The following SGCD variants were observed in gnomAD, a reference collection of about 807,000 sequenced individuals.
SGCD encodes delta-sarcoglycan.
SGCD carries 18 observed loss-of-function variants against 36.6 expected under a neutral mutation model. The observed-to-expected ratio is 0.49, with a 90% CI of 0.34 to 0.73. The LOEUF is 0.73. SGCD is among the 30% of genes least tolerant of loss of function. The probability of loss-of-function intolerance (pLI) is 0.01; values close to 1 mark genes in which losing one functional copy is unlikely to be tolerated. For synonymous variants in SGCD, 133 were observed against 130.6 expected, an observed-to-expected ratio of 1.02 and a Z score of -0.12; for missense variants, 387 against 346.7, an observed-to-expected ratio of 1.12 and a Z score of -0.92.
At chr5:156,039,505 T>C (rs1759584527) in intron 1 of SGCD, among the ~76,000 whole-genome samples, 1 of 152,128 alleles carries the variant, frequency 6.6e-6, no homozygotes, top group Non-Finnish European at 1.5e-5. Context: ...TATGGCTGGA[T>C]TGCTAGGGTC....
chr5:156,442,290 C>T (rs1753527990), intron 3 of SGCD, among the ~76,000 whole-genome samples: 1 of 152,188 alleles, frequency 6.6e-6, no homozygotes, highest in South Asian at 2.1e-4. Context: ...GCTAAAGACA[C>T]TCCCTACCCC....
At chr5:156,600,843 T>C (rs1478656074) in intron 6 of SGCD, among the ~76,000 whole-genome samples, 1 of 152,210 alleles carries the variant, frequency 6.6e-6, no homozygotes, top group Non-Finnish European at 1.5e-5. Context: ...TGTTATCTTT[T>C]GTCTATTTGA....
At chr5:155,939,082 C>T (rs1757272490) in intron 1 of SGCD, among the ~76,000 whole-genome samples, 1 of 152,028 alleles carries the variant, frequency 6.6e-6, no homozygotes, top group South Asian at 2.1e-4. Context: ...ACATGTTGGT[C>T]AAAAGATAAA....
intron 3 of SGCD, among the ~76,000 whole-genome samples, chr5:156,236,174 G>C (rs1765158874): frequency 1.3e-5 from 2 of 152,044 alleles, no homozygotes; most frequent in Middle Eastern, 3.2e-3. Context: ...ATCAAAACAT[G>C]TTACGGTTAA....
At chr5:156,378,811 GAGTT>G (rs1205350769) in intron 3 of SGCD, among the ~76,000 whole-genome samples, 1 of 152,094 alleles carries the variant, frequency 6.6e-6, no homozygotes, top group Non-Finnish European at 1.5e-5. Flanking sequence ...AATAAAATAA[GAGTT>G]AGTATGTGGA....
chr5:156,497,170 ACT>A (rs10559912), intron 3 of SGCD, among the ~76,000 whole-genome samples: 2,466 of 145,216 alleles, frequency 0.017, 42 homozygotes, highest in African/African-American at 0.047. Context: ...ACTCTCCTGC[ACT>A]CTCTCTCTCT....
chr5:156,644,026 T>G (rs1317155989), intron 6 of SGCD, among the ~76,000 whole-genome samples: 3 of 152,126 alleles, frequency 2.0e-5, no homozygotes, highest in African/African-American at 7.2e-5. Context: ...ATCATGTTCA[T>G]CAGGAAAAAA....
chr5:155,891,556 C>CTTTT (rs1561640647), intron 1 of SGCD, among the ~76,000 whole-genome samples: 4 of 16,554 alleles, frequency 2.4e-4, no homozygotes, highest in African/African-American at 2.7e-4. Flanking sequence ...AAAATAAATA[C>CTTTT]TCTTTTTTTT....
intron 1 of SGCD, among the ~76,000 whole-genome samples, chr5:155,913,360 G>A (rs1262486769): frequency 6.6e-6 from 1 of 152,110 alleles, no homozygotes; most frequent in Non-Finnish European, 1.5e-5. Flanking sequence ...TGACTCCAGA[G>A]AGCACAATAT....
chr5:156,479,769 T>A (rs1293303178), intron 3 of SGCD, among the ~76,000 whole-genome samples: 1 of 152,196 alleles, frequency 6.6e-6, no homozygotes, highest in African/African-American at 2.4e-5. Flanking sequence ...CTTTCTTTAA[T>A]TTTGTTCTTA....
chr5:156,732,574 T>G (rs894640694), intron 7 of SGCD, among the ~76,000 whole-genome samples: 2 of 152,140 alleles, frequency 1.3e-5, no homozygotes, highest in African/African-American at 4.8e-5. Context: ...TTTTTCTATC[T>G]TTGCCAGGTT....
chr5:156,439,806 G>A (rs1423230692), intron 3 of SGCD, among the ~76,000 whole-genome samples: 1 of 152,030 alleles, frequency 6.6e-6, no homozygotes, highest in Non-Finnish European at 1.5e-5. Context: ...AATTAGCCAG[G>A]AATCCTTTAT....
intron 1 of SGCD, among the ~76,000 whole-genome samples, chr5:155,913,383 TAGA>T (rs771061668): frequency 3.3e-5 from 5 of 152,118 alleles, no homozygotes; most frequent in Non-Finnish European, 7.4e-5. Context: ...AAGAGGAAAT[TAGA>T]AGAACACGAT....
intron 1 of SGCD, among the ~76,000 whole-genome samples, chr5:156,038,915 G>T (rs1372717799): frequency 6.6e-6 from 1 of 152,056 alleles, no homozygotes; most frequent in African/African-American, 2.4e-5. Context: ...AAAATCCTTA[G>T]CAGGGCCTAC....
chr5:156,163,327 AC>A (rs751707522), intron 3 of SGCD, among the ~76,000 whole-genome samples: 14 of 151,494 alleles, frequency 9.2e-5, no homozygotes, highest in Non-Finnish European at 1.8e-4. Context: ...GTTTTGAGGA[AC>A]CCTGTCAGAG....
chr5:155,922,822 A>G (rs1756915409), intron 1 of SGCD, among the ~76,000 whole-genome samples: 1 of 152,166 alleles, frequency 6.6e-6, no homozygotes, highest in African/African-American at 2.4e-5. Flanking sequence ...GAAAGAGGGC[A>G]TTTGAGGTTG....
chr5:155,957,534 A>G (rs1205593610), intron 1 of SGCD, among the ~76,000 whole-genome samples: 2 of 152,022 alleles, frequency 1.3e-5, no homozygotes, highest in Non-Finnish European at 1.5e-5. Flanking sequence ...CTAGGGGAGA[A>G]TCTATATCCT....
intron 1 of SGCD, among the ~76,000 whole-genome samples, chr5:156,097,772 G>T (rs1215240485): frequency 6.6e-6 from 1 of 152,148 alleles, no homozygotes; most frequent in South Asian, 2.1e-4. Flanking sequence ...TTGGTATGAT[G>T]AGTAATTTTG....
chr5:156,093,368 T>G (rs1307547880), intron 1 of SGCD, among the ~76,000 whole-genome samples: 1 of 152,230 alleles, frequency 6.6e-6, no homozygotes, highest in East Asian at 1.9e-4. Flanking sequence ...CACCCTGTTT[T>G]TTTAACTTTC....
Sources: allele counts gnomAD v4.1 joint callset (sites outside exome capture counted in the v4.1 genomes callset), GRCh38; gene constraint gnomAD v4.1.1; transcripts MANE v1.5; gene names NCBI Gene and HGNC (gene_info 2026-07-23, HGNC 2026-07-21).